LRP1B: variants seen among roughly 807,000 people sequenced by gnomAD.
LRP1B encodes the protein LDL receptor related protein 1B.
LRP1B carries 217 observed loss-of-function variants against 556.6 expected under a neutral mutation model. The ratio of observed to expected loss-of-function variants is 0.39; its 90% CI spans 0.35 to 0.44. LRP1B has a LOEUF of 0.44. Among genes scored for constraint, LRP1B ranks in the 20% least tolerant of loss-of-function variants. The probability of loss-of-function intolerance (pLI) is 1.00; values close to 1 mark genes in which losing one functional copy is unlikely to be tolerated. For missense variants in LRP1B, 5,053 were observed against 5,620.8 expected (o/e 0.90, Z 3.23); for synonymous variants, 2,047 against 1,865.8 (o/e 1.10, Z -2.50).
chr2:141,710,646 T>C (rs1037101823), intron 2 of LRP1B, among the ~76,000 whole-genome samples: 7 of 152,302 alleles, frequency 4.6e-5, no homozygotes, highest in African/African-American at 1.7e-4. Context: ...ATTTCCGAAA[T>C]AAAGCTTCAC....
intron 52 of LRP1B, 104 bp downstream of exon 52, chr2:140,509,824 T>C (rs915829004): frequency 6.7e-7 from 1 of 1,483,904 alleles, no homozygotes; most frequent in Non-Finnish European, 9.1e-7. Context: ...GCCCAGGAAC[T>C]AGGAAAGCAA....
chr2:140,257,619 G>A (rs909493173), intron 86 of LRP1B, among the ~76,000 whole-genome samples: 3 of 152,116 alleles, frequency 2.0e-5, no homozygotes, highest in African/African-American at 4.8e-5. Flanking sequence ...AGTAACCTAC[G>A]ACCTCTTACC....
rs189769923 is a variant in LRP1B, at chr2:140,349,289, C to T, written c.11892+1508G>A. ...AATTATGTCAAAATTGAAGATGTGT[C>T]TATGTTTATCAATTGTAAAATGCAG... On this transcript the variant is annotated intron_variant, in intron 77 of 90. Coordinates refer to ENST00000389484, the MANE Select transcript of LRP1B (RefSeq NM_018557.3). 3.8e-4 allele frequency among the ~76,000 whole-genome samples: 58 copies of T among 152,112 alleles called. 1 individual carries two copies. The East Asian group carries it at 0.011, about 29-fold the overall frequency.
At chr2:141,914,021 C>G (rs571492937) in intron 1 of LRP1B, among the ~76,000 whole-genome samples, 2 of 152,148 alleles carry the variant, frequency 1.3e-5, no homozygotes, top group Non-Finnish European at 2.9e-5. Flanking sequence ...GCTGGGATTA[C>G]AGACGTGAGC....
intron 67 of LRP1B, among the ~76,000 whole-genome samples, chr2:140,378,534 TA>T (rs1368430678): frequency 6.6e-6 from 1 of 152,192 alleles, no homozygotes; most frequent in African/African-American, 2.4e-5. Context: ...GGACAAAAGA[TA>T]AATGGTCTAC....
At chr2:140,461,190 T>G (rs2105329097) in intron 60 of LRP1B, among the ~76,000 whole-genome samples, 1 of 152,236 alleles carries the variant, frequency 6.6e-6, no homozygotes, top group African/African-American at 2.4e-5. Flanking sequence ...TGATTATTCA[T>G]TTTTTTAGTT....
chr2:141,062,234 C>T lies in LRP1B; in HGVS notation c.1053G>A (p.Val351=), dbSNP rs1305121961. The T allele has an allele frequency of 6.2e-7, 1 of 1,611,166 alleles. No individual in the cohort carries two copies. The highest frequency in any genetic ancestry group is 1.1e-5 in the South Asian group (1 of 90,938). Residue 351 remains valine, a synonymous_variant, in exon 8 of 91, where the codon GTG becomes GTA. Transcript: ENST00000389484. ...FFTDYGNVAK[V]ERCDMDGMNR... ...TCATCCCATCCATGTCACATCTCTC[C>T]ACTTTGGCGACATTCCCGTAGTCAG...
intron 12 of LRP1B, among the ~76,000 whole-genome samples, chr2:141,017,823 C>T (rs953649258): frequency 5.3e-5 from 8 of 151,508 alleles, no homozygotes; most frequent in Non-Finnish European, 1.2e-4. Flanking sequence ...GGCAAAACCC[C>T]ATCTCTACAA....
chr2:140,266,604 A>G (rs1263768018), intron 86 of LRP1B, among the ~76,000 whole-genome samples: 1 of 151,820 alleles, frequency 6.6e-6, no homozygotes, highest in Non-Finnish European at 1.5e-5. Flanking sequence ...ACCTTTTTCT[A>G]TTCTCAGCTA....
At chr2:140,298,427 T>C (rs13004456) in intron 83 of LRP1B, among the ~76,000 whole-genome samples, 11,024 of 152,256 alleles carry the variant, frequency 0.072, 450 homozygotes, top group Middle Eastern at 0.14. Flanking sequence ...AGATTACACA[T>C]GTTATAAATA....
chr2:141,960,798 C>T (rs1019977868), intron 1 of LRP1B, among the ~76,000 whole-genome samples: 1 of 151,700 alleles, frequency 6.6e-6, no homozygotes, highest in Admixed American at 6.6e-5. Context: ...TTAATGTTTA[C>T]AATAATCTAA....
intron 1 of LRP1B, among the ~76,000 whole-genome samples, chr2:142,009,730 T>A (rs1041181476): frequency 7.2e-5 from 11 of 152,202 alleles, no homozygotes; most frequent in African/African-American, 2.7e-4. Context: ...TATATGTGTA[T>A]GCATGCATGT....
At chr2:141,381,008 G>A (rs1268564108) in intron 3 of LRP1B, among the ~76,000 whole-genome samples, 2 of 150,936 alleles carry the variant, frequency 1.3e-5, no homozygotes, top group Non-Finnish European at 3.0e-5. Context: ...AACTAACAGA[G>A]TTAGTTAGTC....
At chr2:141,172,423 C>T (rs1250671940) in intron 7 of LRP1B, among the ~76,000 whole-genome samples, 3 of 152,034 alleles carry the variant, frequency 2.0e-5, no homozygotes, top group Non-Finnish European at 4.4e-5. Flanking sequence ...ATGAAAAATG[C>T]TATTAATTAC....
intron 86 of LRP1B, among the ~76,000 whole-genome samples, chr2:140,266,705 C>G (rs1289974179): frequency 6.6e-6 from 1 of 151,940 alleles, no homozygotes; most frequent in Non-Finnish European, 1.5e-5. Context: ...TCCTATAAAA[C>G]TACAATATGT....
intron 84 of LRP1B, among the ~76,000 whole-genome samples, chr2:140,284,641 A>T: frequency 1.3e-5 from 2 of 148,486 alleles, no homozygotes; most frequent in Admixed American, 6.8e-5. Flanking sequence ...TTCCATCCTT[A>T]TTTTCTTCCT....
chr2:141,114,845 C>A lies in LRP1B; in HGVS notation c.1014-52572G>T, dbSNP rs1700846702. ...GGGTGCGTCCATATGTGCACATACA[C>A]ACATACATGTCATGAAAACAGGCAT... On this transcript the variant is annotated intron_variant, in intron 7 of 90. Transcript: ENST00000389484. Among the ~76,000 whole-genome samples, 5 of 151,012 alleles carry A rather than the reference C, an allele frequency of 3.3e-5. No homozygotes were observed. The South Asian group carries it at 1.1e-3, about 32-fold the overall frequency.
intron 25 of LRP1B, among the ~76,000 whole-genome samples, chr2:140,876,111 A>C (rs1162113616): frequency 1.3e-5 from 2 of 152,102 alleles, no homozygotes; most frequent in African/African-American, 4.8e-5. Context: ...AGCTTTCAGA[A>C]CTCATGGAGA....
At chr2:141,868,710 G>T (rs1343975569) in intron 1 of LRP1B, among the ~76,000 whole-genome samples, 1 of 152,024 alleles carries the variant, frequency 6.6e-6, no homozygotes, top group African/African-American at 2.4e-5. Context: ...TTATGGACTT[G>T]TATTTTTCCC....
Sources: allele counts gnomAD v4.1 joint callset (sites outside exome capture counted in the v4.1 genomes callset), GRCh38; gene constraint gnomAD v4.1.1; transcripts MANE v1.5; gene names NCBI Gene and HGNC (gene_info 2026-07-23, HGNC 2026-07-21).